The following ZNF292 variants were observed in gnomAD, a reference collection of about 807,000 sequenced individuals.
ZNF292 encodes 16 zinc-finger domain protein.
In ZNF292, 26 loss-of-function variants were observed where a neutral mutation model predicts 217.9. The observed-to-expected ratio is 0.12, with a 90% confidence interval of 0.09 to 0.17. The LOEUF is 0.17. Among genes scored for constraint, ZNF292 ranks in the 10% least tolerant of loss-of-function variants. The pLI is 1.00. For synonymous variants in ZNF292, 1,257 were observed against 1,124.1 expected, an observed-to-expected ratio of 1.12 and a Z score of -2.37; for missense variants, 2,904 against 3,175.2, an observed-to-expected ratio of 0.91 and a Z score of 2.05.
rs1471967479 is a variant in ZNF292 at position 87,261,846 on chromosome 6, TAGGA to T, written c.*48_*51del. On this transcript the variant is annotated 3_prime_UTR_variant, in exon 8 of 8. Coordinates refer to ENST00000369577, the MANE Select transcript of ZNF292 (RefSeq NM_015021.3). The stretch of plus-strand genomic sequence containing the variant: ...ACATCATTTACCATTTTATTTTAAA[TAGGA>T]AGCCATCAAGCATGCTAGAATTGTG... The T allele has an allele frequency of 1.5e-6, 2 of 1,299,620 alleles. No individual in the cohort carries two copies. Among genetic ancestry groups the T allele is most frequent in the Non-Finnish European group, 1.0e-6 (1 of 968,072 alleles). The allele number at this position is 1,299,620 out of a possible 1,614,324, so 80.5% of individuals were successfully genotyped here. A position where few individuals can be genotyped will look rare whatever the true frequency, so the allele number is the denominator to read the frequency against.
intron 1 of ZNF292, among the ~76,000 whole-genome samples, chr6:87,209,606 A>G (rs1772397031): frequency 6.6e-6 from 1 of 152,248 alleles, no homozygotes; most frequent in African/African-American, 2.4e-5. Context: ...AATTAAGTGC[A>G]TAAACTGATA....
chr6:87,261,648 T>A lies in ZNF292; in HGVS notation c.8019T>A (p.Asn2673Lys), dbSNP rs559804062. The A allele has an allele frequency of 5.6e-6, 9 of 1,612,206 alleles. No homozygotes were observed. The highest frequency in any genetic ancestry group is 1.1e-5 in the South Asian group (1 of 90,916). ...SDNVKIVLDK[N>K]LKDCTELVLK... is the part of the protein sequence containing the mutation. ...ATGTAAAAATTGTTTTAGACAAGAA[T>A]CTTAAAGATTGCACTGAGCTTGTCT... The change falls in exon 8 of 8, where the codon AAT becomes AAA. Residue 2673 changes from asparagine (N) to lysine (K), a missense_variant. Asn to Lys is a moderately conservative substitution (Grantham distance 94, BLOSUM62 0). Coordinates refer to ENST00000369577, the MANE Select transcript of ZNF292 (RefSeq NM_015021.3).
chr6:87,184,611 T>C (rs1771581866), intron 1 of ZNF292, among the ~76,000 whole-genome samples: 1 of 151,968 alleles, frequency 6.6e-6, no homozygotes. Context: ...CAATAGGATA[T>C]GTATATAGAT....
At position 87,261,177 on chromosome 6, in the gene ZNF292, A is replaced by G; in HGVS notation, c.7548A>G (p.Glu2516=). Residue 2516 remains glutamate, a synonymous_variant, in exon 8 of 8, where the codon GAA becomes GAG. Coordinates refer to ENST00000369577, the MANE Select transcript of ZNF292 (RefSeq NM_015021.3). ...TSSNVSNDFQ[E]DNLCQSERQK... ...CAAATGTAAGTAATGATTTTCAGGA[A>G]GATAACCTCTGCCAGTCAGAAAGAC... 4 of 1,613,180 alleles carry G rather than the reference A, an allele frequency of 2.5e-6. No homozygotes were observed. Among genetic ancestry groups the G allele is most frequent in the Non-Finnish European group, 3.4e-6 (4 of 1,179,584 alleles).
At chr6:87,243,288 T>G (rs997008066) in intron 5 of ZNF292, among the ~76,000 whole-genome samples, 187 bp from the exon 6 acceptor site, 9 of 151,754 alleles carry the variant, frequency 5.9e-5, no homozygotes, top group Non-Finnish European at 1.3e-4. Context: ...AGGTTTTTTT[T>G]TTTTTTTTTA....
Position 87,260,244 on chromosome 6 carries a change from A to G in ZNF292, c.6615A>G (p.Glu2205=). 4.3e-6 allele frequency: 7 copies of G among 1,613,648 alleles called. No individual in the cohort carries two copies. The highest frequency in any genetic ancestry group is 5.9e-6 in the Non-Finnish European group (7 of 1,179,610). Residue 2205 remains glutamate, a synonymous_variant, in exon 8 of 8, where the codon GAA becomes GAG. Coordinates refer to ENST00000369577, the MANE Select transcript of ZNF292 (RefSeq NM_015021.3). Reference sequence around the variant, plus strand: ...ATGAAATGACTCCTGAAGAAATTGAAAGTATGACTGCTTCAGTGGATGTTG... The same window carrying G: ...ATGAAATGACTCCTGAAGAAATTGAGAGTATGACTGCTTCAGTGGATGTTG... ...KLHEMTPEEI[E]SMTASVDVGK... is the part of the protein sequence containing the mutation.
intron 4 of ZNF292, among the ~76,000 whole-genome samples, chr6:87,232,002 TAAAAA>T (rs1437825501): frequency 1.3e-5 from 2 of 152,156 alleles, no homozygotes; most frequent in Admixed American, 1.3e-4. Context: ...AATGCAATAT[TAAAAA>T]AGAAAAGTAA....
At position 87,261,575 on chromosome 6, in the gene ZNF292, A is replaced by T. The variant is rs777609119; in HGVS notation, c.7946A>T (p.Glu2649Val). 1 of 1,610,944 alleles carries T rather than the reference A, an allele frequency of 6.2e-7. No individual in the cohort carries two copies. The highest frequency in any genetic ancestry group is 8.5e-7 in the Non-Finnish European group (1 of 1,178,378). The change falls in exon 8 of 8, where the codon GAA becomes GTA. Residue 2649 changes from glutamate to valine, a missense_variant. Physicochemically the swap from Glu to Val is moderately radical, Grantham distance 121. This residue lies in a region of ZNF292 where 380 missense variants were observed against 355.3 expected (regional missense o/e 1.07). Coordinates refer to ENST00000369577, the MANE Select transcript of ZNF292 (RefSeq NM_015021.3). ...CATGTATGTCCTTGTAAAGAAAGCG[A>T]AACGTTTGTACAGTTTGCCAATCCA... The part of the protein sequence containing the change: ...GNHVCPCKES[E>V]TFVQFANPSQ...
rs571996249 is a variant in ZNF292 at position 87,262,596 on chromosome 6, T to C, written c.*795T>C. On this transcript the variant is annotated 3_prime_UTR_variant, in exon 8 of 8. Transcript: ENST00000369577. ...AAATGTGAATAAAGAATTTACTACA[T>C]TGAAGATTTTAAACATTTGGTATTA... 2.0e-4 allele frequency: 31 copies of C among 152,002 alleles called. No homozygotes were observed. The highest frequency in any genetic ancestry group is 7.5e-4 in the African/African-American group (31 of 41,528). 9.4% of individuals were successfully genotyped at this position (152,002 alleles called of 1,614,324 possible).
chr6:87,235,454 G>A (rs1281500175), intron 5 of ZNF292, among the ~76,000 whole-genome samples: 2 of 152,020 alleles, frequency 1.3e-5, no homozygotes, highest in Non-Finnish European at 2.9e-5. Context: ...TAAGGGGTAG[G>A]CCCTTCACTA....
At chr6:87,222,649 C>A in intron 4 of ZNF292, 1 of 322,286 alleles carries the variant, frequency 3.1e-6, no homozygotes. Context: ...TCATTAATAT[C>A]TTACATTAGT....
chr6:87,191,065 T>C (rs1367089131), intron 1 of ZNF292, among the ~76,000 whole-genome samples: 3 of 152,224 alleles, frequency 2.0e-5, no homozygotes, highest in African/African-American at 7.2e-5. Flanking sequence ...CATAATATTG[T>C]GTACCATACT....
chr6:87,199,581 T>G (rs1772050735), intron 1 of ZNF292, among the ~76,000 whole-genome samples: 1 of 152,232 alleles, frequency 6.6e-6, no homozygotes, highest in African/African-American at 2.4e-5. Context: ...GGTTTAGTTC[T>G]TCATTTAAGT....
intron 1 of ZNF292, among the ~76,000 whole-genome samples, chr6:87,197,958 A>G (rs968962472): frequency 1.3e-5 from 2 of 152,038 alleles, no homozygotes; most frequent in African/African-American, 4.8e-5. Flanking sequence ...AAATGTAGTT[A>G]ATTTTTCCTG....
intron 1 of ZNF292, among the ~76,000 whole-genome samples, chr6:87,158,408 TCA>T (rs1770614969): frequency 1.3e-5 from 2 of 152,286 alleles, no homozygotes; most frequent in African/African-American, 4.8e-5. Context: ...TGGAGGTGGC[TCA>T]CACCTGTAAT....
At chr6:87,248,797 G>A (rs947744517) in intron 7 of ZNF292, among the ~76,000 whole-genome samples, 1 of 152,296 alleles carries the variant, frequency 6.6e-6, no homozygotes, top group African/African-American at 2.4e-5. Flanking sequence ...AATGGAGGAG[G>A]TTAGGTAAAA....
At chr6:87,249,945 G>T (rs1438618690) in intron 7 of ZNF292, among the ~76,000 whole-genome samples, 1 of 147,642 alleles carries the variant, frequency 6.8e-6, no homozygotes, top group East Asian at 2.0e-4. Flanking sequence ...CCTGACCTCA[G>T]ATGATCTGCC....
chr6:87,180,770 C>T (rs1771448648), intron 1 of ZNF292, among the ~76,000 whole-genome samples: 1 of 152,086 alleles, frequency 6.6e-6, no homozygotes, highest in Non-Finnish European at 1.5e-5. Context: ...GAGTGGGGAC[C>T]CTCTTCTAAG....
chr6:87,157,537 T>C (rs1174382022), intron 1 of ZNF292, among the ~76,000 whole-genome samples: 1 of 152,196 alleles, frequency 6.6e-6, no homozygotes, highest in Non-Finnish European at 1.5e-5. Flanking sequence ...ACTGATAGTT[T>C]TAAGGCTAAT....
Sources: gnomAD v4.1 joint callset for allele counts (sites outside exome capture counted in the v4.1 genomes callset) on GRCh38, gnomAD v4.1.1 for gene constraint, gnomAD v4.1.1 regional missense constraint, MANE v1.5 for transcripts, NCBI Gene and HGNC (gene_info 2026-07-23, HGNC 2026-07-21) for gene names.